Variants in GREB1 observed in about 807,000 individuals in gnomAD.
GREB1 encodes the protein growth regulating estrogen receptor binding 1, also known as protein GREB1.
A neutral mutation model predicts 200.7 loss-of-function variants in GREB1; 106 were observed. The observed-to-expected ratio is 0.53, with a 90% CI of 0.45 to 0.62. The LOEUF (loss-of-function observed/expected upper bound fraction) is 0.62, where lower values mean the gene tolerates loss of function less well. Ranked by LOEUF, GREB1 falls within the 20% of genes least tolerant of loss-of-function variation. The pLI is 0.00. For synonymous variants in GREB1, 1,132 were observed against 1,092.4 expected, an observed-to-expected ratio of 1.04 and a Z score of -0.72; for missense variants, 2,243 against 2,556.8, an observed-to-expected ratio of 0.88 and a Z score of 2.65.
chr2:11,504,812 T>C (rs1336751305), intron 1 of GREB1, among the ~76,000 whole-genome samples: 1 of 152,240 alleles, frequency 6.6e-6, no homozygotes, highest in Non-Finnish European at 1.5e-5. Flanking sequence ...TTACTTTTTG[T>C]TTTCATTCCT....
Position 11,611,026 on chromosome 2 carries a change from G to A in GREB1, c.3005G>A (p.Arg1002Lys). ...TVGKHFVKQL[R>K]MWQKIEDVEW... is the part of the protein sequence containing the mutation. ...GGGAAGCACTTCGTAAAGCAGCTCA[G>A]GGTAGGTGCTGTGCGCAGGGAGGGG... Residue 1002 changes from arginine (R) to lysine (K), a missense_variant and splice_region_variant, in exon 18 of 33, where the codon AGG (arginine) becomes AAG (lysine). Physicochemically the swap from Arg to Lys is conservative, Grantham distance 26 (BLOSUM62 2). Transcript: ENST00000381486. The A allele has an allele frequency of 6.3e-7, 1 of 1,577,422 alleles. No individual in the cohort carries two copies. Among genetic ancestry groups the A allele is most frequent in the Non-Finnish European group, 8.6e-7 (1 of 1,161,058 alleles).
chr2:11,603,374 AT>A (rs2148256048), intron 17 of GREB1, among the ~76,000 whole-genome samples: 1 of 152,348 alleles, frequency 6.6e-6, no homozygotes, highest in African/African-American at 2.4e-5. Context: ...GAAGTTAGAC[AT>A]ATCCTTCTCA....
At chr2:11,607,446 GTGTGTGTGTGTGTGTATA>G (rs1460570056) in intron 17 of GREB1, among the ~76,000 whole-genome samples, 10 of 106,136 alleles carry the variant, frequency 9.4e-5, no homozygotes, top group Middle Eastern at 4.9e-3. Context: ...GTGTGTGTGT[GTGTGTGTGTGTGTGTATA>G]TATATATACA....
rs1313492608 is a variant in GREB1 at position 11,618,755 on chromosome 2, T to C, written c.3880T>C (p.Ser1294Pro). ...LPSPSVMWAS[S>P]FRPLLSKTMT... ...CTCCCCCTCGGTCATGTGGGCCAGC[T>C]CTTTCCGCCCCCTGCTCAGCAAGAC... is the stretch of plus-strand genomic sequence containing the variant. The change falls in exon 22 of 33, where the codon TCT becomes CCT. Residue 1294 changes from serine (S) to proline (P), a missense_variant. By Grantham distance (74) the Ser-to-Pro change is moderately conservative. This residue lies in a region of GREB1 where 587 missense variants were observed against 553.1 expected (regional missense o/e 1.06). Coordinates refer to ENST00000381486, the MANE Select transcript of GREB1 (RefSeq NM_014668.4). 4 of 1,613,374 alleles carry C rather than the reference T, an allele frequency of 2.5e-6. No homozygotes were observed. The East Asian group carries it at 8.9e-5, about 36-fold the overall frequency.
chr2:11,620,773 C>T (rs1683942546), intron 22 of GREB1, 132 bp from the exon 23 acceptor site: 1 of 621,214 alleles, frequency 1.6e-6, no homozygotes, highest in Non-Finnish European at 2.9e-6. Flanking sequence ...TCTTTGCATC[C>T]ACAGGGTTCT....
At position 11,634,154 on chromosome 2, in the gene GREB1, A is replaced by G. The variant is rs749545865; in HGVS notation, c.5015A>G (p.Asn1672Ser). 6.2e-7 allele frequency: 1 copy of G among 1,614,198 alleles called. No homozygotes were observed. Among genetic ancestry groups the G allele is most frequent in the South Asian group, 1.1e-5 (1 of 91,080 alleles). ...AGGGAGTTCTCCTGGTCGGAAAGGA[A>G]CGTGTCTTTGAAGCACATCATGCAG... ...RSREFSWSER[N>S]VSLKHIMQHI... The change falls in exon 29 of 33, where the codon AAC becomes AGC. Residue 1672 changes from asparagine (N) to serine (S), a missense_variant. Physicochemically the swap from Asn to Ser is conservative, Grantham distance 46 (BLOSUM62 1). This residue lies in a region of GREB1 where 478 missense variants were observed against 616.3 expected (regional missense o/e 0.78). Coordinates refer to ENST00000381486, the MANE Select transcript of GREB1 (RefSeq NM_014668.4).
chr2:11,519,613 G>A (rs1282889842), intron 1 of GREB1, among the ~76,000 whole-genome samples: 1 of 151,508 alleles, frequency 6.6e-6, no homozygotes, highest in African/African-American at 2.4e-5. Flanking sequence ...CTGCCATCAC[G>A]CCTGGCTAAT....
chr2:11,594,754 A>G (rs12993278), intron 11 of GREB1, among the ~76,000 whole-genome samples: 81,411 of 151,462 alleles, frequency 0.54, 22,169 homozygotes, highest in African/African-American at 0.65. Flanking sequence ...GTGTAGTGAC[A>G]CTTTGTAGGC....
chr2:11,499,309 A>G (rs905398609), intron 1 of GREB1, among the ~76,000 whole-genome samples: 1 of 152,248 alleles, frequency 6.6e-6, no homozygotes, highest in African/African-American at 2.4e-5. Context: ...AGCAACAGCA[A>G]GGGGTGGGCA....
chr2:11,517,721 G>A (rs1187151765), intron 1 of GREB1, among the ~76,000 whole-genome samples: 4 of 151,896 alleles, frequency 2.6e-5, no homozygotes, highest in African/African-American at 9.7e-5. Context: ...GTGCCATCTC[G>A]GCTCACTGCA....
At chr2:11,565,206 A>G (rs770890663) in intron 3 of GREB1, among the ~76,000 whole-genome samples, 19 of 152,246 alleles carry the variant, frequency 1.2e-4, no homozygotes, top group Middle Eastern at 3.4e-3. Flanking sequence ...CAGTTTCCCT[A>G]TCTTCAAAAT....
chr2:11,526,092 A>G (rs1456197200), intron 1 of GREB1, among the ~76,000 whole-genome samples: 1 of 152,244 alleles, frequency 6.6e-6, no homozygotes, highest in Non-Finnish European at 1.5e-5. Context: ...TTCTAGTGCA[A>G]GAAAAATCCA....
intron 3 of GREB1, among the ~76,000 whole-genome samples, chr2:11,564,525 A>G (rs568910331): frequency 6.6e-6 from 1 of 152,302 alleles, no homozygotes; most frequent in Admixed American, 6.5e-5. Context: ...AAAAAAATAA[A>G]TGTTAAGAGG....
chr2:11,637,943 A>C, intron 31 of GREB1, 27 bp downstream of exon 31: 1 of 1,576,700 alleles, frequency 6.3e-7, no homozygotes, highest in Non-Finnish European at 8.7e-7. Context: ...GTGCTGTCGA[A>C]TCCCTAATTC....
At position 11,508,107 on chromosome 2, in the gene GREB1, C is replaced by T. The variant is rs376955572; in HGVS notation, c.-159+25726C>T. ...GGTAGAGGTTTGCTTTCTTCTTCTTCTGAGAGAAGGAGAAACAGAAAGACA... is the reference window on the plus strand; with the variant it reads ...GGTAGAGGTTTGCTTTCTTCTTCTTTTGAGAGAAGGAGAAACAGAAAGACA... On this transcript the variant is annotated intron_variant, in intron 1 of 2. Transcript: ENST00000628795. 3.3e-5 allele frequency among the ~76,000 whole-genome samples: 5 copies of T among 152,264 alleles called. No individual in the cohort carries two copies. In the East Asian group the frequency reaches 9.6e-4, roughly 29 times the overall value.
intron 27 of GREB1, among the ~76,000 whole-genome samples, chr2:11,632,629 C>T (rs1370097752): frequency 1.3e-5 from 2 of 152,184 alleles, no homozygotes; most frequent in African/African-American, 2.4e-5. Context: ...TGAGCCACTG[C>T]GCCTGGCCAA....
Position 11,566,514 on chromosome 2 carries a change from C to G in GREB1, c.312C>G (p.Val104=), listed in dbSNP as rs773148868. The G allele has an allele frequency of 5.6e-6, 9 of 1,613,456 alleles. No individual in the cohort carries two copies. The South Asian group carries it at 9.9e-5, about 18-fold the overall frequency. Residue 104 remains valine (V), a synonymous_variant, in exon 4 of 33, where the codon GTC becomes GTG. Coordinates refer to ENST00000381486, the MANE Select transcript of GREB1 (RefSeq NM_014668.4). ...FCQAGKDLRL[V]SISNEPMDVP... ...AGGCCGGGAAGGACCTGCGCCTTGTCTCCATTTCCAACGAGCCCATGGATG... is the reference window on the plus strand; with the variant it reads ...AGGCCGGGAAGGACCTGCGCCTTGTGTCCATTTCCAACGAGCCCATGGATG...
In GREB1 at chr2:11,518,652, A is replaced by G. The variant is rs371868056; in HGVS notation, c.-159+36271A>G. ...GTTCAAACCTGCTAAAATGATTTAC[A>G]TTAGATTCTGATGATATTTTGATGT... On this transcript the variant is annotated intron_variant, in intron 1 of 2. Coordinates refer to the GREB1 transcript ENST00000628795. Among the ~76,000 whole-genome samples the G allele has an allele frequency of 5.3e-5, 8 of 151,754 alleles. No homozygotes were observed. In the East Asian group the frequency reaches 1.2e-3, roughly 22 times the overall value.
intron 10 of GREB1, chr2:11,591,730 T>G: frequency 2.6e-6 from 1 of 378,662 alleles, no homozygotes; most frequent in Non-Finnish European, 4.8e-6. Context: ...TGTCAAGATG[T>G]GCATTGCAGA....
Sources: allele counts gnomAD v4.1 joint callset (sites outside exome capture counted in the v4.1 genomes callset), GRCh38; gene constraint gnomAD v4.1.1; regional missense constraint gnomAD v4.1.1; transcripts MANE v1.5; gene names NCBI Gene and HGNC (gene_info 2026-07-23, HGNC 2026-07-21).